The following EFCAB13 variants were observed in gnomAD, a reference collection of about 807,000 sequenced individuals.
The protein encoded by EFCAB13 is EF-hand calcium binding domain 13.
EFCAB13 carries 91 observed loss-of-function variants against 110.2 expected under a neutral mutation model. The observed-to-expected ratio is 0.83, with a 90% confidence interval of 0.70 to 0.98. EFCAB13 has a LOEUF of 0.98. Ranked by LOEUF, EFCAB13 falls within the 50% of genes least tolerant of loss-of-function variation. The pLI, the probability that EFCAB13 is intolerant of heterozygous loss-of-function variation, is 0.00. For synonymous variants in EFCAB13, 323 were observed against 369.9 expected, an observed-to-expected ratio of 0.87 and a Z score of 1.45; for missense variants, 968 against 1,119.4, an observed-to-expected ratio of 0.86 and a Z score of 1.93.
At chr17:47,338,250 T>G (rs940068253) in intron 5 of EFCAB13, among the ~76,000 whole-genome samples, 7 of 151,562 alleles carry the variant, frequency 4.6e-5, no homozygotes, top group African/African-American at 1.7e-4. Flanking sequence ...CTAGTTTTTT[T>G]TTTTTTTTTT....
In EFCAB13 at chr17:47,374,485, A is replaced by C. The variant is rs772521835; in HGVS notation, c.891A>C (p.Gly297=). The change falls in exon 12 of 25, where the codon GGA becomes GGC. Residue 297 remains glycine (G), a synonymous_variant. Coordinates refer to ENST00000331493, the MANE Select transcript of EFCAB13 (RefSeq NM_152347.5). ...TCTCTTATTTAGCAATTACAGAAGG[A>C]TCACCTTTGAATGAAATTACTTCAG... The part of the protein sequence containing the change: ...EQYEDVSITE[G]SPLNEITSDR... The C allele has an allele frequency of 2.0e-5, 30 of 1,516,894 alleles. No individual in the cohort carries two copies. In the East Asian group the frequency reaches 6.7e-4, roughly 34 times the overall value. 94.0% of individuals were successfully genotyped at this position (1,516,894 alleles called of 1,614,324 possible).
At chr17:47,401,721 A>G (rs1480844348) in intron 17 of EFCAB13, among the ~76,000 whole-genome samples, 1 of 142,702 alleles carries the variant, frequency 7.0e-6, no homozygotes, top group Non-Finnish European at 1.5e-5. Context: ...CTTGGCTCAC[A>G]GCAACCTCCA....
intron 24 of EFCAB13, among the ~76,000 whole-genome samples, chr17:47,432,931 A>G (rs1905145881): frequency 6.6e-6 from 1 of 152,226 alleles, no homozygotes; most frequent in African/African-American, 2.4e-5. Context: ...CATCATACAT[A>G]GCCATGTAAC....
chr17:47,370,738 G>GTTTTTTTTT (rs764924546), intron 11 of EFCAB13, among the ~76,000 whole-genome samples: 2 of 127,202 alleles, frequency 1.6e-5, no homozygotes, highest in East Asian at 2.4e-4. Flanking sequence ...GTTGTTGTTT[G>GTTTTTTTTT]TTTTTTTTTT....
intron 10 of EFCAB13, among the ~76,000 whole-genome samples, chr17:47,366,317 T>TG (rs1342193360): frequency 2.6e-5 from 4 of 151,606 alleles, no homozygotes; most frequent in Admixed American, 1.3e-4. Context: ...TATAGCAGTT[T>TG]TTTTTTTTTT....
chr17:47,325,950 A>ATATATATATATATATATAT (rs2065282886), intron 2 of EFCAB13, among the ~76,000 whole-genome samples: 1 of 93,008 alleles, frequency 1.1e-5, no homozygotes, highest in Non-Finnish European at 2.4e-5. Flanking sequence ...ATATATATAT[A>ATATATATATATATATATAT]TATATATATA....
chr17:47,351,302 T>TGTGTGTGTGTGTGTGTGTGTGC (rs1555578752), intron 9 of EFCAB13, among the ~76,000 whole-genome samples: 5 of 101,578 alleles, frequency 4.9e-5, no homozygotes, highest in Non-Finnish European at 1.2e-4. Flanking sequence ...TGTGTGTGTG[T>TGTGTGTGTGTGTGTGTGTGTGC]GTGCGCGCGC....
intron 11 of EFCAB13, among the ~76,000 whole-genome samples, chr17:47,372,895 G>A (rs2065592889): frequency 6.6e-6 from 1 of 152,022 alleles, no homozygotes; most frequent in Non-Finnish European, 1.5e-5. Context: ...ATGTCTTGGT[G>A]TAGTCTTGTT....
chr17:47,410,356 A>G (rs1231318006), intron 21 of EFCAB13, among the ~76,000 whole-genome samples: 2 of 152,182 alleles, frequency 1.3e-5, no homozygotes, highest in African/African-American at 4.8e-5. Context: ...AGCCTTTGTG[A>G]CTTAATCACC....
chr17:47,324,587 T>C (rs546726484), intron 2 of EFCAB13, 64 bp downstream of exon 2: 27 of 152,254 alleles, frequency 1.8e-4, no homozygotes, highest in African/African-American at 6.3e-4. Context: ...TGAACGTTCA[T>C]GAATGGCAGT....
intron 11 of EFCAB13, among the ~76,000 whole-genome samples, 181 bp downstream of exon 11, chr17:47,370,689 A>C (rs2065576885): frequency 6.6e-6 from 1 of 151,924 alleles, no homozygotes; most frequent in Non-Finnish European, 1.5e-5. Flanking sequence ...CTCTTTTTAG[A>C]AATGTTTATG....
chr17:47,349,096 G>A (rs911100829), intron 9 of EFCAB13, among the ~76,000 whole-genome samples: 7 of 152,194 alleles, frequency 4.6e-5, no homozygotes, highest in Non-Finnish European at 7.3e-5. Flanking sequence ...TTACACTGAA[G>A]AAGTGGAGAC....
At chr17:47,421,641 G>GAAAA (rs375256582) in intron 23 of EFCAB13, among the ~76,000 whole-genome samples, 1 of 129,394 alleles carries the variant, frequency 7.7e-6, no homozygotes, top group African/African-American at 2.9e-5. Context: ...AAGAAAGAAA[G>GAAAA]AAAAAAAAAA....
At chr17:47,424,461 A>G (rs1338420050) in intron 23 of EFCAB13, among the ~76,000 whole-genome samples, 1 of 152,234 alleles carries the variant, frequency 6.6e-6, no homozygotes, top group Non-Finnish European at 1.5e-5. Context: ...TGAAAACAAA[A>G]TAGCAGAGGA....
chr17:47,406,420 T>C (rs926866512), intron 20 of EFCAB13, among the ~76,000 whole-genome samples: 2 of 152,186 alleles, frequency 1.3e-5, no homozygotes, highest in African/African-American at 4.8e-5. Flanking sequence ...TTCAAAGCAA[T>C]TTAAATGTCA....
chr17:47,375,046 G>A (rs1172439499), intron 12 of EFCAB13, 80 bp downstream of exon 12: 2 of 1,394,734 alleles, frequency 1.4e-6, no homozygotes, highest in South Asian at 1.8e-5. Context: ...ATAGTTGTAA[G>A]CATTTCAATT....
At chr17:47,416,407 A>C (rs1904446379) in intron 23 of EFCAB13, among the ~76,000 whole-genome samples, 1 of 152,002 alleles carries the variant, frequency 6.6e-6, no homozygotes, top group Non-Finnish European at 1.5e-5. Flanking sequence ...CTTCTTTTAT[A>C]CAGCATATGC....
chr17:47,353,346 G>A lies in EFCAB13; in HGVS notation c.661+5395G>A, dbSNP rs193002351. 2.4e-3 allele frequency among the ~76,000 whole-genome samples: 362 copies of A among 151,846 alleles called. 4 individuals are homozygous for A. The highest frequency in any genetic ancestry group is 7.6e-3 in the African/African-American group (313 of 41,392). On this transcript the variant is annotated intron_variant, in intron 9 of 24. Coordinates refer to ENST00000331493, the MANE Select transcript of EFCAB13 (RefSeq NM_152347.5). ...GTCTTGCTGTGTCATGCAGGCTGGA[G>A]TGCAGTGACACAATCTTGGCTCACT...
At chr17:47,396,195 G>T (rs929534399) in intron 17 of EFCAB13, among the ~76,000 whole-genome samples, 10 of 152,018 alleles carry the variant, frequency 6.6e-5, no homozygotes, top group African/African-American at 2.4e-4. Flanking sequence ...GCTCTAAATT[G>T]ATCAAATATG....
Sources: gnomAD v4.1 joint callset for allele counts (sites outside exome capture counted in the v4.1 genomes callset) on GRCh38, gnomAD v4.1.1 for gene constraint, MANE v1.5 for transcripts, NCBI Gene and HGNC (gene_info 2026-07-23, HGNC 2026-07-21) for gene names.